Variants in SPAG16 observed in about 807,000 individuals in gnomAD.
SPAG16 encodes the protein sperm-associated antigen 16 protein.
In SPAG16, 86 loss-of-function variants were observed where a neutral mutation model predicts 80.4. The observed-to-expected ratio is 1.07, with a 90% CI of 0.90 to 1.28. The LOEUF (loss-of-function observed/expected upper bound fraction) is 1.28, where lower values mean the gene tolerates loss of function less well. Among genes scored for constraint, SPAG16 ranks in the 50% most tolerant of loss-of-function variants. The pLI is 0.00. For missense variants in SPAG16, 870 were observed against 765.3 expected, an observed-to-expected ratio of 1.14 and a Z score of -1.61; for synonymous variants, 294 against 265.9, an observed-to-expected ratio of 1.11 and a Z score of -1.03.
At position 213,654,373 on chromosome 2, in the gene SPAG16, G is replaced by GT. The variant is rs1299883124; in HGVS notation, c.1070+164286dup. On this transcript the variant is annotated intron_variant, in intron 10 of 15. Coordinates refer to ENST00000331683, the MANE Select transcript of SPAG16 (RefSeq NM_024532.5). ...ATTGTTTTTGTTTGTTTGTTTGTTT[G>GT]TTTGTTTGTTTTAATGTTAGCATAT... Among the ~76,000 whole-genome samples, 4 of 151,920 alleles carry GT rather than the reference G, an allele frequency of 2.6e-5. No homozygotes were observed. The East Asian group carries it at 7.7e-4, about 29-fold the overall frequency.
intron 11 of SPAG16, among the ~76,000 whole-genome samples, chr2:213,913,968 G>C (rs1049565021): frequency 6.6e-6 from 1 of 152,018 alleles, no homozygotes; most frequent in African/African-American, 2.4e-5. Context: ...AGAATAATCA[G>C]CTTTACTCAA....
chr2:214,397,361 C>T (rs1199419372), intron 15 of SPAG16, among the ~76,000 whole-genome samples: 1 of 151,846 alleles, frequency 6.6e-6, no homozygotes, highest in Non-Finnish European at 1.5e-5. Flanking sequence ...GGTTTTGCCA[C>T]GTTGGCCAGG....
chr2:213,917,262 CT>C (rs1338244283), intron 11 of SPAG16, among the ~76,000 whole-genome samples: 1 of 151,986 alleles, frequency 6.6e-6, no homozygotes, highest in Admixed American at 6.6e-5. Flanking sequence ...TATTTGGGCT[CT>C]TTTTTTGGTT....
At chr2:213,533,444 C>T (rs546953792) in intron 10 of SPAG16, among the ~76,000 whole-genome samples, 6 of 152,060 alleles carry the variant, frequency 3.9e-5, no homozygotes, top group Non-Finnish European at 7.4e-5. Context: ...GAATACCTTC[C>T]TTGGGTTGTG....
At chr2:213,846,544 A>G (rs1223341295) in intron 10 of SPAG16, among the ~76,000 whole-genome samples, 1 of 152,066 alleles carries the variant, frequency 6.6e-6, no homozygotes, top group Non-Finnish European at 1.5e-5. Flanking sequence ...ATAAAATTGT[A>G]TTCCATCTAG....
intron 9 of SPAG16, among the ~76,000 whole-genome samples, chr2:213,388,586 A>T (rs912662679): frequency 6.6e-6 from 1 of 152,218 alleles, no homozygotes. Context: ...AAAAATAAAT[A>T]AACACAAACA....
chr2:213,594,864 A>AT lies in SPAG16; in HGVS notation c.1070+104781dup, dbSNP rs569834803. Among the ~76,000 whole-genome samples, 145 of 152,166 alleles carry AT rather than the reference A, an allele frequency of 9.5e-4. 2 individuals carry two copies. The highest frequency in any genetic ancestry group is 7.3e-3 in the Admixed American group (112 of 15,270). ...TGTATTCTCCAATGTTTCAAAGTAC[A>AT]TTTTTTTGTGTGTCTGAATAGAATT... On this transcript the variant is annotated intron_variant, in intron 10 of 15. Coordinates refer to ENST00000331683, the MANE Select transcript of SPAG16 (RefSeq NM_024532.5).
chr2:213,970,982 T>C (rs1440572355), intron 12 of SPAG16, among the ~76,000 whole-genome samples: 3 of 152,158 alleles, frequency 2.0e-5, no homozygotes, highest in African/African-American at 7.2e-5. Context: ...AATTAGGTTG[T>C]TTTTGATGGT....
Position 213,487,288 on chromosome 2 carries a change from T to G in SPAG16, c.943-2675T>G, listed in dbSNP as rs1000171700. Among the ~76,000 whole-genome samples, 17 of 152,130 alleles carry G rather than the reference T, an allele frequency of 1.1e-4. 1 individual carries two copies. Among genetic ancestry groups the G allele is most frequent in the African/African-American group, 2.9e-4 (12 of 41,398 alleles). ...GCACTTTGAGTTAAGACCAGTGAAC[T>G]ATTAAAGCACACTGCTGAGAGCTTA... is the stretch of plus-strand genomic sequence containing the variant. On this transcript the variant is annotated intron_variant, in intron 9 of 15. Coordinates refer to ENST00000331683, the MANE Select transcript of SPAG16 (RefSeq NM_024532.5).
chr2:214,368,414 A>G (rs1260593655), intron 15 of SPAG16, among the ~76,000 whole-genome samples: 1 of 152,140 alleles, frequency 6.6e-6, no homozygotes, highest in Non-Finnish European at 1.5e-5. Context: ...TTCTCTCACA[A>G]TAAGGCCCAA....
chr2:214,064,150 T>C (rs1387406467), intron 13 of SPAG16, among the ~76,000 whole-genome samples: 2 of 152,136 alleles, frequency 1.3e-5, no homozygotes, highest in Non-Finnish European at 2.9e-5. Flanking sequence ...TCTTTGGATA[T>C]GAGTATAGCT....
intron 15 of SPAG16, among the ~76,000 whole-genome samples, chr2:214,250,757 T>TATAGAGAGAGAGAG (rs1475343777): frequency 1.1e-4 from 10 of 91,278 alleles, no homozygotes; most frequent in African/African-American, 3.7e-4. Flanking sequence ...TATATATATA[T>TATAGAGAGAGAGAG]AGAGAGAGAG....
intron 9 of SPAG16, among the ~76,000 whole-genome samples, chr2:213,414,230 G>T (rs1197601118): frequency 2.0e-5 from 3 of 152,132 alleles, no homozygotes; most frequent in African/African-American, 7.2e-5. Context: ...TGTAGTTCCT[G>T]CTACAGTGGG....
At chr2:213,476,094 C>T (rs2073361597) in intron 9 of SPAG16, among the ~76,000 whole-genome samples, 1 of 152,232 alleles carries the variant, frequency 6.6e-6, no homozygotes, top group South Asian at 2.1e-4. Flanking sequence ...TTCAGGTTTA[C>T]ACTCCCGATA....
At chr2:214,118,532 G>A (rs750097187) in intron 14 of SPAG16, among the ~76,000 whole-genome samples, 1 of 152,154 alleles carries the variant, frequency 6.6e-6, no homozygotes, top group Non-Finnish European at 1.5e-5. Flanking sequence ...ATGGCAGAAG[G>A]GGAATCAAAC....
chr2:214,187,204 A>G (rs1254427161), intron 15 of SPAG16, among the ~76,000 whole-genome samples: 1 of 151,014 alleles, frequency 6.6e-6, no homozygotes, highest in African/African-American at 2.5e-5. Flanking sequence ...ACCAATATAT[A>G]TCCCCACACA....
At chr2:214,253,656 G>C (rs1383672873) in intron 15 of SPAG16, among the ~76,000 whole-genome samples, 1 of 152,056 alleles carries the variant, frequency 6.6e-6, no homozygotes, top group Non-Finnish European at 1.5e-5. Context: ...CTGTTCTATT[G>C]ATCTATATAT....
At chr2:213,907,036 G>C (rs1468877055) in intron 11 of SPAG16, among the ~76,000 whole-genome samples, 1 of 152,058 alleles carries the variant, frequency 6.6e-6, no homozygotes, top group Non-Finnish European at 1.5e-5. Flanking sequence ...AAAAAGCTTT[G>C]GCACAGCAAA....
Position 213,660,107 on chromosome 2 carries a change from G to A in SPAG16, c.1070+170017G>A, listed in dbSNP as rs528888167. On this transcript the variant is annotated intron_variant, in intron 10 of 15. Coordinates refer to ENST00000331683, the MANE Select transcript of SPAG16 (RefSeq NM_024532.5). ...GTTGCTCATGCACTTTAATACTAGA[G>A]AACAACTGCTTTCACATATAACACA... Among the ~76,000 whole-genome samples the A allele has an allele frequency of 3.9e-5, 6 of 152,226 alleles. No individual in the cohort carries two copies. In the East Asian group the frequency reaches 1.2e-3, roughly 29 times the overall value.
Sources: allele counts gnomAD v4.1 joint callset (sites outside exome capture counted in the v4.1 genomes callset), GRCh38; gene constraint gnomAD v4.1.1; transcripts MANE v1.5; gene names NCBI Gene and HGNC (gene_info 2026-07-23, HGNC 2026-07-21).